GABPB1: variants seen among roughly 807,000 people sequenced by gnomAD.
GABPB1 encodes the protein GA binding protein transcription factor subunit beta 1.
A neutral mutation model predicts 45.9 loss-of-function variants in GABPB1; 15 were observed. That is an observed-to-expected ratio of 0.33 (90% confidence interval 0.22 to 0.50). The LOEUF is 0.50. GABPB1 is among the 20% of genes least tolerant of loss of function. The pLI is 0.98. For synonymous variants in GABPB1, 143 were observed against 154.4 expected, an observed-to-expected ratio of 0.93 and a Z score of 0.55; for missense variants, 252 against 457.5, an observed-to-expected ratio of 0.55 and a Z score of 4.10.
At chr15:50,336,354 A>C (rs977793454) in intron 1 of GABPB1, among the ~76,000 whole-genome samples, 26 of 129,956 alleles carry the variant, frequency 2.0e-4, no homozygotes, top group Non-Finnish European at 6.7e-5. Context: ...ACTCTGTCCC[A>C]AAAAAAAAAA....
intron 8 of GABPB1, among the ~76,000 whole-genome samples, chr15:50,281,662 CATTTTCAA>C (rs376197433): frequency 6.6e-6 from 1 of 152,300 alleles, no homozygotes; most frequent in East Asian, 1.9e-4. Context: ...CACACCCACC[CATTTTCAA>C]ATTGTCTATG....
chr15:50,327,848 G>A (rs541211059), intron 1 of GABPB1, among the ~76,000 whole-genome samples: 5 of 152,012 alleles, frequency 3.3e-5, no homozygotes, highest in Admixed American at 2.6e-4. Context: ...GCAGTGAGCC[G>A]AGATCGTGGC....
chr15:50,353,664 G>C (rs376041194), intron 1 of GABPB1: 9 of 152,024 alleles, frequency 5.9e-5, no homozygotes, highest in African/African-American at 1.9e-4. Flanking sequence ...AAGTATCAAA[G>C]CTGATGGTTA....
chr15:50,295,442 A>G (rs955458922), intron 6 of GABPB1, among the ~76,000 whole-genome samples: 1 of 152,102 alleles, frequency 6.6e-6, no homozygotes, highest in Non-Finnish European at 1.5e-5. Context: ...TTTCCCTACT[A>G]ACGCCTACTT....
intron 1 of GABPB1, chr15:50,354,651 C>T (rs1263581309): frequency 2.3e-6 from 1 of 431,264 alleles, no homozygotes; most frequent in African/African-American, 2.2e-5. Context: ...CCCGGGGCTG[C>T]CGCTCGGGAC....
intron 1 of GABPB1, among the ~76,000 whole-genome samples, chr15:50,321,938 A>ATATTATCTT (rs2047585751): frequency 1.3e-5 from 2 of 151,750 alleles, no homozygotes; most frequent in South Asian, 4.2e-4. Flanking sequence ...ACTTGCCTGG[A>ATATTATCTT]TATTATCTTT....
intron 1 of GABPB1, among the ~76,000 whole-genome samples, chr15:50,345,154 G>A (rs2048518387): frequency 6.6e-6 from 1 of 152,024 alleles, no homozygotes; most frequent in African/African-American, 2.4e-5. Flanking sequence ...ATAGTCAGAA[G>A]GGAAAACCAG....
chr15:50,313,749 T>C (rs146890789), intron 1 of GABPB1, among the ~76,000 whole-genome samples: 1 of 152,246 alleles, frequency 6.6e-6, no homozygotes, highest in African/African-American at 2.4e-5. Flanking sequence ...ATATAAAGTA[T>C]AAAATACTGA....
At chr15:50,344,093 G>A (rs2048478655) in intron 1 of GABPB1, among the ~76,000 whole-genome samples, 3 of 152,172 alleles carry the variant, frequency 2.0e-5, no homozygotes, top group African/African-American at 7.2e-5. Flanking sequence ...AGTGCCAGCC[G>A]CAGGGCAAAC....
rs1212081039 is a variant in GABPB1, at chr15:50,301,322, G to A, written c.518C>T (p.Thr173Ile). ...QINTNPESPDTVTIHAATPQF... is the reference protein window; with the variant it reads ...QINTNPESPDIVTIHAATPQF... The stretch of plus-strand genomic sequence containing the variant: ...TGGTGTTGCAGCATGTATTGTCACA[G>A]TGTCAGGACTCTCTGGGTTTGTGTT... The change falls in exon 5 of 9, where the codon ACT becomes ATT. Residue 173 changes from threonine to isoleucine, a missense_variant. By Grantham distance (89) the Thr-to-Ile change is moderately conservative. Coordinates refer to ENST00000380877, the MANE Select transcript of GABPB1 (RefSeq NM_016654.5). 2 of 1,614,072 alleles carry A rather than the reference G, an allele frequency of 1.2e-6. No homozygotes were observed. Among genetic ancestry groups the A allele is most frequent in the Non-Finnish European group, 1.7e-6 (2 of 1,179,938 alleles).
chr15:50,289,437 TA>T (rs11352059), intron 7 of GABPB1, 45 bp downstream of exon 7: 65,952 of 1,062,238 alleles, frequency 0.062, 4,335 homozygotes, highest in East Asian at 0.32. Flanking sequence ...AAATAAAAAT[TA>T]AAAAAAAAAA....
intron 6 of GABPB1, among the ~76,000 whole-genome samples, chr15:50,292,074 C>A (rs903705047): frequency 5.3e-5 from 8 of 151,926 alleles, no homozygotes; most frequent in Admixed American, 5.2e-4. Flanking sequence ...GTGGCTCATG[C>A]CTGTAATCCC....
At chr15:50,303,895 A>T in intron 3 of GABPB1, 71 bp downstream of exon 3, 1 of 1,239,780 alleles carries the variant, frequency 8.1e-7, no homozygotes, top group Admixed American at 2.5e-5. Flanking sequence ...ATTTAACAAA[A>T]ACTAGTTCCC....
chr15:50,332,188 C>A (rs1189892426), intron 1 of GABPB1, among the ~76,000 whole-genome samples: 1 of 151,960 alleles, frequency 6.6e-6, no homozygotes, highest in African/African-American at 2.4e-5. Context: ...TGTCCAGTTT[C>A]TTTTCTCTCC....
At chr15:50,287,436 T>C (rs929903303) in intron 7 of GABPB1, among the ~76,000 whole-genome samples, 5 of 152,162 alleles carry the variant, frequency 3.3e-5, no homozygotes, top group Admixed American at 3.3e-4. Flanking sequence ...TATTTGGAGA[T>C]AGGGTCCTTA....
intron 1 of GABPB1, among the ~76,000 whole-genome samples, chr15:50,313,012 T>C (rs1396188231): frequency 1.3e-5 from 2 of 152,194 alleles, no homozygotes; most frequent in Non-Finnish European, 2.9e-5. Flanking sequence ...GTATTTTCTA[T>C]GGGTAGATAA....
At chr15:50,350,047 A>G (rs899769500) in intron 1 of GABPB1, 2 of 152,054 alleles carry the variant, frequency 1.3e-5, no homozygotes, top group African/African-American at 2.4e-5. Context: ...ATGTCTTTAT[A>G]TTATTCTATC....
intron 6 of GABPB1, among the ~76,000 whole-genome samples, chr15:50,300,084 G>A (rs923449850): frequency 6.6e-6 from 1 of 152,166 alleles, no homozygotes; most frequent in Non-Finnish European, 1.5e-5. Flanking sequence ...TAGGATTACA[G>A]GTGTGAGCTA....
At chr15:50,346,969 T>C (rs553658557) in intron 1 of GABPB1, among the ~76,000 whole-genome samples, 1 of 152,126 alleles carries the variant, frequency 6.6e-6, no homozygotes, top group South Asian at 2.1e-4. Flanking sequence ...TTTGTATTTT[T>C]AGTAGAGATG....
Sources: gnomAD v4.1 joint callset for allele counts (sites outside exome capture counted in the v4.1 genomes callset) on GRCh38, gnomAD v4.1.1 for gene constraint, MANE v1.5 for transcripts, NCBI Gene and HGNC (gene_info 2026-07-23, HGNC 2026-07-21) for gene names.